The following DOCK10 variants were observed in gnomAD, a reference collection of about 807,000 sequenced individuals.
DOCK10 encodes dedicator of cytokinesis protein 10.
In DOCK10, 145 loss-of-function variants were observed where a neutral mutation model predicts 280.1. That is an observed-to-expected ratio of 0.52 (90% CI 0.45 to 0.59). The LOEUF is 0.59. DOCK10 is among the 20% of genes least tolerant of loss of function. The pLI is 0.00. For synonymous variants in DOCK10, 915 were observed against 942.2 expected, an observed-to-expected ratio of 0.97 and a Z score of 0.53; for missense variants, 2,368 against 2,651.7, an observed-to-expected ratio of 0.89 and a Z score of 2.35.
At chr2:224,880,874 G>T (rs1195723093) in intron 7 of DOCK10, among the ~76,000 whole-genome samples, 4 of 152,090 alleles carry the variant, frequency 2.6e-5, no homozygotes, top group African/African-American at 9.7e-5. Context: ...AGTCTTAAGG[G>T]AATCATACAA....
At chr2:224,862,617 C>A in intron 14 of DOCK10, 47 bp downstream of exon 14, 1 of 1,491,628 alleles carries the variant, frequency 6.7e-7, no homozygotes, top group South Asian at 1.1e-5. Context: ...CTTCCAATGC[C>A]ACCATTAAAT....
chr2:224,999,580 C>T (rs768621957), intron 1 of DOCK10, among the ~76,000 whole-genome samples: 1 of 151,778 alleles, frequency 6.6e-6, no homozygotes, highest in Non-Finnish European at 1.5e-5. Flanking sequence ...AGACAATATC[C>T]CAGGCCCTTG....
At position 225,000,419 on chromosome 2, in the gene DOCK10, C is replaced by T. The variant is rs535888761; in HGVS notation, c.123+41833G>A. 1.4e-4 allele frequency among the ~76,000 whole-genome samples: 21 copies of T among 152,316 alleles called. No homozygotes were observed. The South Asian group carries it at 2.9e-3, about 21-fold the overall frequency. ...GTCATTCGTGGAATTGTGCTTTCCA[C>T]ATGCGGAAGAGTGAAAGTTGAGTTC... is the stretch of plus-strand genomic sequence containing the variant. On this transcript the variant is annotated intron_variant, in intron 1 of 55. Coordinates refer to ENST00000258390, the MANE Select transcript of DOCK10 (RefSeq NM_014689.3).
At chr2:224,798,354 C>T (rs1440683367) in intron 41 of DOCK10, among the ~76,000 whole-genome samples, 1 of 152,010 alleles carries the variant, frequency 6.6e-6, no homozygotes, top group Non-Finnish European at 1.5e-5. Flanking sequence ...TGGAAAGGAG[C>T]TTATGAGTTC....
chr2:224,856,795 T>C, intron 15 of DOCK10, 65 bp downstream of exon 15: 1 of 1,446,828 alleles, frequency 6.9e-7, no homozygotes, highest in Non-Finnish European at 9.4e-7. Context: ...CTCAGGTATT[T>C]ATGAAGTGAT....
chr2:224,973,161 C>G (rs916222218), intron 1 of DOCK10, among the ~76,000 whole-genome samples: 3 of 152,110 alleles, frequency 2.0e-5, no homozygotes, highest in Non-Finnish European at 4.4e-5. Context: ...TAGCAAGTGC[C>G]AGGCACTCTT....
At chr2:224,995,493 T>C in intron 1 of DOCK10, among the ~76,000 whole-genome samples, 1 of 152,226 alleles carries the variant, frequency 6.6e-6, no homozygotes, top group East Asian at 1.9e-4. Flanking sequence ...GAGGGCCTCT[T>C]GTAGTTGTTT....
chr2:224,821,527 T>G (rs1694503871), intron 28 of DOCK10, among the ~76,000 whole-genome samples: 1 of 152,206 alleles, frequency 6.6e-6, no homozygotes. Context: ...TTCCTTTCTT[T>G]TTTTTCTCTC....
intron 1 of DOCK10, among the ~76,000 whole-genome samples, chr2:224,946,277 C>T (rs1025946763): frequency 6.6e-6 from 1 of 152,168 alleles, no homozygotes; most frequent in Non-Finnish European, 1.5e-5. Context: ...ATATTTTTAA[C>T]AGCAAAACAA....
intron 28 of DOCK10, among the ~76,000 whole-genome samples, chr2:224,822,000 TA>T (rs971982465): frequency 4.1e-4 from 63 of 151,874 alleles, no homozygotes; most frequent in Admixed American, 2.0e-4. Flanking sequence ...TTTAACACAT[TA>T]AAAAAAAGAA....
chr2:225,019,974 CTA>C (rs1178939926), intron 1 of DOCK10, among the ~76,000 whole-genome samples: 1 of 152,164 alleles, frequency 6.6e-6, no homozygotes, highest in Non-Finnish European at 1.5e-5. Flanking sequence ...TATTTGTGAT[CTA>C]TATGTTGTTC....
At chr2:224,905,820 C>T (rs1220341176) in intron 3 of DOCK10, among the ~76,000 whole-genome samples, 1 of 152,168 alleles carries the variant, frequency 6.6e-6, no homozygotes, top group Non-Finnish European at 1.5e-5. Flanking sequence ...CCATTCTTTA[C>T]ACAGGGTCCT....
intron 11 of DOCK10, among the ~76,000 whole-genome samples, chr2:224,865,642 G>T (rs1245182400): frequency 4.6e-5 from 7 of 152,154 alleles, no homozygotes; most frequent in Admixed American, 2.6e-4. Context: ...CAGGTTGTGA[G>T]GGAGTCTGTT....
At chr2:224,987,273 A>G (rs766552280) in intron 1 of DOCK10, among the ~76,000 whole-genome samples, 22 of 152,260 alleles carry the variant, frequency 1.4e-4, no homozygotes, top group Non-Finnish European at 3.2e-4. Flanking sequence ...ATTGATTAAT[A>G]ACTAAAAATG....
intron 1 of DOCK10, among the ~76,000 whole-genome samples, chr2:225,013,722 G>T (rs931568435): frequency 4.6e-5 from 7 of 152,146 alleles, no homozygotes; most frequent in African/African-American, 1.4e-4. Context: ...CATCCTACAT[G>T]TGCAGTGCTT....
intron 14 of DOCK10, 187 bp downstream of exon 14, chr2:224,862,477 T>C (rs1697573614): frequency 1.8e-6 from 1 of 565,158 alleles, no homozygotes; most frequent in Non-Finnish European, 3.2e-6. Flanking sequence ...ATAAACTGTA[T>C]TGCTAAACTG....
At chr2:224,903,740 A>G (rs571046604) in intron 3 of DOCK10, among the ~76,000 whole-genome samples, 1 of 152,322 alleles carries the variant, frequency 6.6e-6, no homozygotes, top group African/African-American at 2.4e-5. Context: ...TTATGCTCCA[A>G]AGCCTCTAAC....
intron 1 of DOCK10, among the ~76,000 whole-genome samples, chr2:225,001,980 G>C (rs1347898157): frequency 6.6e-6 from 1 of 152,190 alleles, no homozygotes; most frequent in Admixed American, 6.5e-5. Flanking sequence ...GTGAATCTGG[G>C]GGGAGATGGT....
chr2:224,950,594 GA>G (rs1043125915), intron 1 of DOCK10, among the ~76,000 whole-genome samples: 2 of 152,084 alleles, frequency 1.3e-5, no homozygotes, highest in Non-Finnish European at 2.9e-5. Flanking sequence ...ATGAGTGAGG[GA>G]AAAAGGGTGG....
Sources: gnomAD v4.1 joint callset for allele counts (sites outside exome capture counted in the v4.1 genomes callset) on GRCh38, gnomAD v4.1.1 for gene constraint, MANE v1.5 for transcripts, NCBI Gene and HGNC (gene_info 2026-07-23, HGNC 2026-07-21) for gene names.